The following MEF2C variants were observed in gnomAD, a reference collection of about 807,000 sequenced individuals.
The protein encoded by MEF2C is myocyte enhancer factor 2C, also known as myocyte-specific enhancer factor 2C.
Under a neutral mutation model 50.5 loss-of-function variants are expected in MEF2C, and 6 were observed. The ratio of observed to expected loss-of-function variants is 0.12; its 90% CI spans 0.07 to 0.23. The LOEUF is 0.23. Ranked by LOEUF, MEF2C falls within the 10% of genes least tolerant of loss-of-function variation. MEF2C has a pLI of 1.00. For synonymous variants in MEF2C, 183 were observed against 228.0 expected (o/e 0.80, Z 1.78); for missense variants, 276 against 605.0 (o/e 0.46, Z 5.70).
At chr5:88,901,965 C>T (rs1835705525) in intron 1 of MEF2C, among the ~76,000 whole-genome samples, 1 of 151,682 alleles carries the variant, frequency 6.6e-6, no homozygotes, top group Non-Finnish European at 1.5e-5. Context: ...AATAGTTTGG[C>T]AGAAGCTTTT....
chr5:88,761,940 A>G lies in MEF2C; in HGVS notation c.259-612T>C, dbSNP rs1246308587. The G allele has an allele frequency of 2.0e-5, 3 of 152,264 alleles. No individual in the cohort carries two copies. The East Asian group carries it at 5.8e-4, about 29-fold the overall frequency. The allele number at this position is 152,264 out of a possible 1,614,324, so 9.4% of individuals were successfully genotyped here. A position where few individuals can be genotyped will look rare whatever the true frequency, so the allele number is the denominator to read the frequency against. ...CTACTTTTGTTTGTTAGGGTTCTAT[A>G]TATGTGAAAATCTTATCAAAATTTA... On this transcript the variant is annotated intron_variant, in intron 3 of 10. Coordinates refer to ENST00000504921, the MANE Select transcript of MEF2C (RefSeq NM_002397.5).
chr5:88,898,518 A>G (rs1275754572), intron 1 of MEF2C, among the ~76,000 whole-genome samples: 1 of 152,124 alleles, frequency 6.6e-6, no homozygotes, highest in African/African-American at 2.4e-5. Context: ...GGCACTGGTC[A>G]TAGTCACTTG....
intron 3 of MEF2C, among the ~76,000 whole-genome samples, chr5:88,789,073 T>C (rs1792458075): frequency 6.6e-6 from 1 of 152,184 alleles, no homozygotes; most frequent in Non-Finnish European, 1.5e-5. Flanking sequence ...TGCACACTTT[T>C]ATTTTTGAAA....
In MEF2C at chr5:88,722,499, TCCACACACGGCACA is replaced by T; in HGVS notation, c.*91_*104del. The T allele has an allele frequency of 9.6e-7, 1 of 1,036,408 alleles. No homozygotes were observed. Among genetic ancestry groups the T allele is most frequent in the Non-Finnish European group, 1.4e-6 (1 of 710,876 alleles). 64.2% of individuals were successfully genotyped at this position (1,036,408 alleles called of 1,614,324 possible). ...AACAGAGTACCTGACTTTTTTTTTT[TCCACACACGGCACA>T]TATAATGCATATCGACCCCCCTTCC... On this transcript the variant is annotated 3_prime_UTR_variant, in exon 11 of 11. Transcript: ENST00000504921.
At chr5:88,731,575 T>C (rs972461373) in intron 7 of MEF2C, 154 bp downstream of exon 7, 1 of 671,830 alleles carries the variant, frequency 1.5e-6, no homozygotes, top group African/African-American at 1.8e-5. Context: ...TTACCAGAAA[T>C]AATAGCTAAA....
At chr5:88,761,150 G>A (rs1777676271) in intron 4 of MEF2C, 35 bp downstream of exon 4, 1 of 1,613,806 alleles carries the variant, frequency 6.2e-7, no homozygotes, top group Non-Finnish European at 8.5e-7. Flanking sequence ...GAAATATCAA[G>A]AGTAAAAAAA....
chr5:88,743,215 C>A (rs1163497876), intron 6 of MEF2C: 1 of 981,228 alleles, frequency 1.0e-6, no homozygotes, highest in African/African-American at 1.8e-5. Context: ...TATCTTTCTC[C>A]CTTTCTTGAA....
rs1260778230 is a variant in MEF2C at position 88,763,386 on chromosome 5, CTT to C, written c.259-2060_259-2059del. Among the ~76,000 whole-genome samples, 7 of 152,102 alleles carry C rather than the reference CTT, an allele frequency of 4.6e-5. No individual in the cohort carries two copies. The South Asian group carries it at 8.3e-4, about 18-fold the overall frequency. On this transcript the variant is annotated intron_variant, in intron 3 of 10. Transcript: ENST00000504921. ...TTAGAATAATAATTTTATTTACTAA[CTT>C]AACTTCCTGTGCTTCATACTCTTTT...
At chr5:88,816,875 T>A (rs1311221133) in intron 2 of MEF2C, among the ~76,000 whole-genome samples, 1 of 151,968 alleles carries the variant, frequency 6.6e-6, no homozygotes, top group African/African-American at 2.4e-5. Context: ...AGGCTTATTT[T>A]GGATTAAAAG....
intron 6 of MEF2C, among the ~76,000 whole-genome samples, chr5:88,746,991 T>G (rs1054262296): frequency 6.6e-6 from 1 of 152,230 alleles, no homozygotes; most frequent in African/African-American, 2.4e-5. Context: ...TCTTTTGGTT[T>G]TCTTCTATTT....
At chr5:88,882,078 C>T (rs1282153932) in intron 1 of MEF2C, among the ~76,000 whole-genome samples, 2 of 152,098 alleles carry the variant, frequency 1.3e-5, no homozygotes, top group South Asian at 4.1e-4. Flanking sequence ...CTTTAAAAAG[C>T]AATAGCCATG....
chr5:88,865,327 T>G (rs1422089722), intron 1 of MEF2C, among the ~76,000 whole-genome samples: 1 of 152,210 alleles, frequency 6.6e-6, no homozygotes, highest in Non-Finnish European at 1.5e-5. Context: ...AAAGATCAGT[T>G]ACAGCCCATA....
At chr5:88,801,611 C>T (rs1013301299) in intron 3 of MEF2C, among the ~76,000 whole-genome samples, 43 of 151,742 alleles carry the variant, frequency 2.8e-4, no homozygotes, top group African/African-American at 9.4e-4. Context: ...TCCTGCCTCT[C>T]GAGTAACTGG....
chr5:88,801,723 T>C (rs1238681889), intron 3 of MEF2C, among the ~76,000 whole-genome samples: 1 of 152,116 alleles, frequency 6.6e-6, no homozygotes, highest in East Asian at 1.9e-4. Context: ...CCTGACCTCA[T>C]GATGCGCCTG....
chr5:88,841,232 G>A (rs930306814), intron 1 of MEF2C, among the ~76,000 whole-genome samples: 1 of 152,076 alleles, frequency 6.6e-6, no homozygotes, highest in Non-Finnish European at 1.5e-5. Flanking sequence ...TCTTAGGGCC[G>A]GGCACTGTGG....
intron 3 of MEF2C, among the ~76,000 whole-genome samples, chr5:88,791,409 T>C (rs1793684288): frequency 6.6e-6 from 1 of 152,186 alleles, no homozygotes; most frequent in African/African-American, 2.4e-5. Flanking sequence ...GATAAAAGTC[T>C]ATATTTTGAA....
intron 3 of MEF2C, among the ~76,000 whole-genome samples, chr5:88,780,583 A>G (rs1489555993): frequency 2.0e-5 from 3 of 152,218 alleles, no homozygotes; most frequent in Non-Finnish European, 4.4e-5. Context: ...GCTCATTTCC[A>G]AGAGTATGTA....
chr5:88,835,039 T>G (rs978961287), intron 1 of MEF2C, among the ~76,000 whole-genome samples: 6 of 152,222 alleles, frequency 3.9e-5, no homozygotes, highest in Non-Finnish European at 1.5e-5. Context: ...TGACATCAAT[T>G]GAGTCCAAAA....
rs1755298280 is a variant in MEF2C at position 88,718,679 on chromosome 5, C to T, written c.*3925G>A. Reference sequence around the variant, plus strand: ...ACAGAATCCGTCACTTAACTGACCTCTCTGAATTAAACTGAGGTATGAATC... The same window carrying T: ...ACAGAATCCGTCACTTAACTGACCTTTCTGAATTAAACTGAGGTATGAATC... On this transcript the variant is annotated 3_prime_UTR_variant, in exon 11 of 11. Transcript: ENST00000504921. 1 of 152,150 alleles carries T rather than the reference C, an allele frequency of 6.6e-6. No individual in the cohort carries two copies. The highest frequency in any genetic ancestry group is 1.5e-5 in the Non-Finnish European group (1 of 68,040). 9.4% of individuals were successfully genotyped at this position (152,150 alleles called of 1,614,324 possible).
Sources: allele counts gnomAD v4.1 joint callset (sites outside exome capture counted in the v4.1 genomes callset), GRCh38; gene constraint gnomAD v4.1.1; transcripts MANE v1.5; gene names NCBI Gene and HGNC (gene_info 2026-07-23, HGNC 2026-07-21).